The following ABHD12 variants were observed in gnomAD, a reference collection of about 807,000 sequenced individuals.
ABHD12 encodes lysophosphatidylserine lipase ABHD12.
Under a neutral mutation model 58.3 loss-of-function variants are expected in ABHD12, and 43 were observed. That is an observed-to-expected ratio of 0.74 (90% CI 0.58 to 0.95). The LOEUF is 0.95. ABHD12 is among the 40% of genes least tolerant of loss of function. The pLI is 0.00. For synonymous variants in ABHD12, 219 were observed against 211.2 expected, an observed-to-expected ratio of 1.04 and a Z score of -0.32; for missense variants, 539 against 537.2, an observed-to-expected ratio of 1.00 and a Z score of -0.03.
chr20:25,345,276 G>A (rs761668300), intron 1 of ABHD12, among the ~76,000 whole-genome samples: 33 of 151,998 alleles, frequency 2.2e-4, no homozygotes, highest in Non-Finnish European at 3.5e-4. Context: ...TAGTAGAGAC[G>A]GGGTTTCACC....
chr20:25,338,936 G>T, intron 2 of ABHD12: 1 of 1,214,008 alleles, frequency 8.2e-7, no homozygotes, highest in Non-Finnish European at 1.0e-6. Context: ...GTCTTCTGTG[G>T]ACAGAAATCC....
intron 1 of ABHD12, among the ~76,000 whole-genome samples, chr20:25,371,716 C>T (rs2146109513): frequency 6.6e-6 from 1 of 152,252 alleles, no homozygotes; most frequent in East Asian, 1.9e-4. Context: ...TCTCATTTCC[C>T]TTCCTCACAG....
chr20:25,371,042 C>T lies in ABHD12; in HGVS notation c.191+19471G>A, dbSNP rs77840953. Among the ~76,000 whole-genome samples, 169 of 152,170 alleles carry T rather than the reference C, an allele frequency of 1.1e-3. 3 individuals carry two copies. In the East Asian group the frequency reaches 0.027, roughly 24 times the overall value. On this transcript the variant is annotated intron_variant, in intron 1 of 12. Coordinates refer to ENST00000339157, the MANE Select transcript of ABHD12 (RefSeq NM_001042472.3). ...CTGTTCTACTTCCTCTTCCTTCCCT[C>T]CCATCATGAGCAAGCTGCAACTTAC...
chr20:25,309,069 G>A (rs1180934373), intron 7 of ABHD12, among the ~76,000 whole-genome samples: 1 of 152,206 alleles, frequency 6.6e-6, no homozygotes, highest in Non-Finnish European at 1.5e-5. Context: ...CCTCGCATCA[G>A]CAGAGATGAC....
intron 1 of ABHD12, among the ~76,000 whole-genome samples, chr20:25,388,928 C>T (rs1239377698): frequency 2.6e-5 from 4 of 151,868 alleles, no homozygotes; most frequent in Admixed American, 2.6e-4. Flanking sequence ...CCTCAGCCTC[C>T]CGAGTAGCTG....
intron 1 of ABHD12, among the ~76,000 whole-genome samples, chr20:25,346,241 T>C (rs192191293): frequency 2.0e-5 from 3 of 152,302 alleles, no homozygotes; most frequent in Non-Finnish European, 2.9e-5. Flanking sequence ...ACATACTATA[T>C]GACTCCAACT....
At chr20:25,359,423 C>CAAAAAAAAAAAAAAAA (rs565367954) in intron 1 of ABHD12, among the ~76,000 whole-genome samples, 1 of 63,126 alleles carries the variant, frequency 1.6e-5, no homozygotes, top group African/African-American at 4.2e-5. Context: ...GACTCCGTCT[C>CAAAAAAAAAAAAAAAA]AAAAAAAAAA....
In ABHD12 at chr20:25,322,381, ATTT is replaced by A. The variant is rs199757666; in HGVS notation, c.422+941_422+943del. ...GGAAAAGATATATATATATATATAT[ATTT>A]TTTTTTTTTTTTGAGACAAGAGTCT... On this transcript the variant is annotated intron_variant, in intron 3 of 12. Coordinates refer to ENST00000339157, the MANE Select transcript of ABHD12 (RefSeq NM_001042472.3). Among the ~76,000 whole-genome samples the A allele has an allele frequency of 4.7e-3, 280 of 59,272 alleles. 28 individuals are homozygous for A. Among genetic ancestry groups the A allele is most frequent in the Non-Finnish European group, 5.6e-3 (176 of 31,360 alleles). The allele number at this position is 59,272 out of a possible 152,430, so 38.9% of individuals were successfully genotyped here.
intron 6 of ABHD12, among the ~76,000 whole-genome samples, chr20:25,312,491 C>T (rs1600777538): frequency 6.6e-6 from 1 of 152,222 alleles, no homozygotes; most frequent in African/African-American, 2.4e-5. Flanking sequence ...CTCAATGTTG[C>T]CCAGGCTGGA....
chr20:25,362,727 T>A (rs1600854773), intron 1 of ABHD12, among the ~76,000 whole-genome samples: 3 of 150,486 alleles, frequency 2.0e-5, no homozygotes, highest in Admixed American at 6.6e-5. Context: ...CAGGCTAGAG[T>A]GCAATGGCGC....
At chr20:25,355,067 C>A (rs1289292752) in intron 1 of ABHD12, among the ~76,000 whole-genome samples, 1 of 152,156 alleles carries the variant, frequency 6.6e-6, no homozygotes, top group African/African-American at 2.4e-5. Flanking sequence ...AGTAAAGGTA[C>A]AATCACTCCA....
downstream of ABHD12, among the ~76,000 whole-genome samples, chr20:25,295,265 G>A (rs922734664): frequency 2.6e-5 from 4 of 152,262 alleles, no homozygotes; most frequent in Admixed American, 2.6e-4. Context: ...GGCGCCATGG[G>A]CTCTCCACTG....
downstream of ABHD12, chr20:25,295,600 C>T: frequency 6.2e-7 from 1 of 1,613,626 alleles, no homozygotes; most frequent in East Asian, 2.2e-5. Context: ...TTCTCCCATT[C>T]CAGGTTCAAG....
intron 1 of ABHD12, among the ~76,000 whole-genome samples, chr20:25,379,315 C>T (rs191777592): frequency 6.6e-4 from 101 of 152,328 alleles, no homozygotes; most frequent in African/African-American, 2.2e-3. Context: ...GCTCAGACTG[C>T]GCCCACGTGG....
intron 2 of ABHD12, among the ~76,000 whole-genome samples, chr20:25,330,003 C>T (rs1208977460): frequency 3.9e-5 from 6 of 152,232 alleles, no homozygotes; most frequent in South Asian, 4.1e-4. Context: ...CAGCTCCCAG[C>T]GTGAGCGACA....
intron 1 of ABHD12, among the ~76,000 whole-genome samples, chr20:25,374,782 G>C (rs2089941971): frequency 1.3e-5 from 2 of 152,184 alleles, no homozygotes. Flanking sequence ...TTACAGGTGT[G>C]AGCCACCACG....
intron 1 of ABHD12, among the ~76,000 whole-genome samples, chr20:25,348,269 G>C (rs947980644): frequency 6.6e-6 from 1 of 151,864 alleles, no homozygotes; most frequent in South Asian, 2.1e-4. Flanking sequence ...CTAGTTCTTC[G>C]AGAAAAGGCA....
chr20:25,353,480 G>A (rs1452650616), intron 1 of ABHD12, among the ~76,000 whole-genome samples: 1 of 152,114 alleles, frequency 6.6e-6, no homozygotes. Context: ...ATGTGTTTGG[G>A]AATATGGTTA....
At chr20:25,295,040 A>G (rs907451810) in intron 12 of ABHD12, 3 of 1,613,980 alleles carry the variant, frequency 1.9e-6, no homozygotes, top group African/African-American at 2.7e-5. Context: ...TCTGTGATAA[A>G]GGAAGTGCTT....
Sources: allele counts gnomAD v4.1 joint callset (sites outside exome capture counted in the v4.1 genomes callset), GRCh38; gene constraint gnomAD v4.1.1; transcripts MANE v1.5; gene names NCBI Gene and HGNC (gene_info 2026-07-23, HGNC 2026-07-21).